Variants in KCNN3 observed in about 807,000 individuals in gnomAD.
The protein encoded by KCNN3 is potassium calcium-activated channel subfamily N member 3, also known as small conductance calcium-activated potassium channel protein 3.
A neutral mutation model predicts 62.9 loss-of-function variants in KCNN3; 16 were observed. The ratio of observed to expected loss-of-function variants is 0.25; its 90% confidence interval spans 0.17 to 0.39. KCNN3 has a LOEUF of 0.39. Among genes scored for constraint, KCNN3 ranks in the 10% least tolerant of loss-of-function variants. The pLI, the probability that KCNN3 is intolerant of heterozygous loss-of-function variation, is 1.00. For synonymous variants in KCNN3, 370 were observed against 389.2 expected (o/e 0.95, Z 0.58); for missense variants, 599 against 949.4 (o/e 0.63, Z 4.85).
At position 154,772,483 on chromosome 1, in the gene KCNN3, G is replaced by A. The variant is rs1216914339; in HGVS notation, c.1030-90C>T. On this transcript the variant is annotated intron_variant, in intron 2 of 7. Coordinates refer to ENST00000271915, the MANE Select transcript of KCNN3 (RefSeq NM_002249.6). This position sits in a 1 kb window ranked among gnomAD's most constrained non-coding sequence, Gnocchi z 5.6. Reference sequence around the variant, plus strand: ...GGACAGGTGGGGCAGGCTGGGGCAGGCTGCTGGGCTCAGGTCAGCCTGACC... The same window carrying A: ...GGACAGGTGGGGCAGGCTGGGGCAGACTGCTGGGCTCAGGTCAGCCTGACC... 1.5e-6 allele frequency: 2 copies of A among 1,336,714 alleles called. No homozygotes were observed. Among genetic ancestry groups the A allele is most frequent in the African/African-American group, 1.4e-5 (1 of 69,698 alleles). The allele number at this position is 1,336,714 out of a possible 1,614,324, so 82.8% of individuals were successfully genotyped here.
chr1:154,735,137 G>T (rs992106996), intron 3 of KCNN3, among the ~76,000 whole-genome samples: 2 of 152,194 alleles, frequency 1.3e-5, no homozygotes, highest in Non-Finnish European at 2.9e-5. Context: ...GGGAAGAATG[G>T]TCGGCGGGTG....
chr1:154,870,202 G>T lies in KCNN3; in HGVS notation c.-238C>A. 1.4e-6 allele frequency: 1 copy of T among 690,048 alleles called. No homozygotes were observed. The highest frequency in any genetic ancestry group is 2.7e-6 in the Non-Finnish European group (1 of 376,968). The allele number at this position is 690,048 out of a possible 1,614,324, so 42.7% of individuals were successfully genotyped here. ...GGAGGGGAGCTTGGAGAAAGAAGAG[G>T]GGGTGAAAGAACTCTCTCAGGAGGT... On this transcript the variant is annotated 5_prime_UTR_variant, in exon 1 of 8. Transcript: ENST00000271915.
At chr1:154,804,559 C>A (rs564012652) in intron 2 of KCNN3, among the ~76,000 whole-genome samples, 3 of 152,184 alleles carry the variant, frequency 2.0e-5, no homozygotes, top group Non-Finnish European at 4.4e-5. Context: ...AGACCATGAA[C>A]TATTTGAAGG....
At chr1:154,807,528 A>AC (rs1248651666) in intron 2 of KCNN3, among the ~76,000 whole-genome samples, 3 of 152,054 alleles carry the variant, frequency 2.0e-5, no homozygotes, top group African/African-American at 7.2e-5. Context: ...GTTTCCAGCC[A>AC]CCCCACCAAA....
intron 1 of KCNN3, among the ~76,000 whole-genome samples, chr1:154,859,250 T>C (rs1228979518): frequency 6.6e-6 from 1 of 152,234 alleles, no homozygotes; most frequent in Non-Finnish European, 1.5e-5. Flanking sequence ...CTCCAATTCG[T>C]TAAAATCAGA....
chr1:154,844,817 C>T (rs149868500), intron 1 of KCNN3, among the ~76,000 whole-genome samples: 4,872 of 152,088 alleles, frequency 0.032, 273 homozygotes, highest in African/African-American at 0.11. Context: ...ACCAGCCTGA[C>T]CAACATAGTG....
intron 3 of KCNN3, among the ~76,000 whole-genome samples, chr1:154,739,796 A>C (rs1700791875): frequency 6.6e-6 from 1 of 152,254 alleles, no homozygotes. Flanking sequence ...CCATGTCGGG[A>C]GGCAAGCCCG....
Position 154,722,781 on chromosome 1 carries a change from G to T in KCNN3, c.1701+3135C>A, listed in dbSNP as rs180695794. 3.6e-3 allele frequency among the ~76,000 whole-genome samples: 539 copies of T among 151,160 alleles called. 2 individuals are homozygous for T. The highest frequency in any genetic ancestry group is 6.0e-3 in the Non-Finnish European group (410 of 67,806). ...GAGTCTTGCTCTGTTGCCCAGGCTG[G>T]AGTGCAGTGGTGGGATCTCGGCTCA... On this transcript the variant is annotated intron_variant, in intron 5 of 7. Transcript: ENST00000271915.
intron 2 of KCNN3, among the ~76,000 whole-genome samples, chr1:154,811,182 G>C (rs193151778): frequency 4.6e-5 from 7 of 152,286 alleles, no homozygotes; most frequent in Non-Finnish European, 7.4e-5. Flanking sequence ...CGTGACGTTA[G>C]GGCGATGGGA....
intron 1 of KCNN3, among the ~76,000 whole-genome samples, chr1:154,834,892 C>T (rs951248528): frequency 2.0e-5 from 3 of 152,222 alleles, no homozygotes; most frequent in African/African-American, 2.4e-5. Context: ...ACCCTGAGCT[C>T]TTCACGGAGG....
In KCNN3 at chr1:154,754,014, G is replaced by A. The variant is rs180677376; in HGVS notation, c.1448+17961C>T. On this transcript the variant is annotated intron_variant, in intron 3 of 7. Coordinates refer to ENST00000271915, the MANE Select transcript of KCNN3 (RefSeq NM_002249.6). ...GGGCCATGTGCTGTCCCTTCTGTGAGCAATAAAACCTTCCATGTAGGAATG... is the reference window on the plus strand; with the variant it reads ...GGGCCATGTGCTGTCCCTTCTGTGAACAATAAAACCTTCCATGTAGGAATG... 2.6e-5 allele frequency among the ~76,000 whole-genome samples: 4 copies of A among 152,310 alleles called. No homozygotes were observed. The East Asian group carries it at 7.7e-4, about 29-fold the overall frequency.
At chr1:154,829,855 C>T (rs904187211) in intron 1 of KCNN3, among the ~76,000 whole-genome samples, 1 of 152,180 alleles carries the variant, frequency 6.6e-6, no homozygotes, top group Non-Finnish European at 1.5e-5. Context: ...CGAGGCTGGC[C>T]ATGCCTGGTG....
chr1:154,785,858 T>A (rs1048992489), intron 2 of KCNN3, among the ~76,000 whole-genome samples: 2 of 152,018 alleles, frequency 1.3e-5, no homozygotes. Context: ...TCCTCGGCCT[T>A]CCAAAGTGCT....
chr1:154,853,803 G>A (rs1283710980), intron 1 of KCNN3, among the ~76,000 whole-genome samples: 1 of 152,094 alleles, frequency 6.6e-6, no homozygotes, highest in Non-Finnish European at 1.5e-5. Flanking sequence ...AATTAACTGG[G>A]CATGGTGGTA....
intron 4 of KCNN3, among the ~76,000 whole-genome samples, chr1:154,729,051 G>A (rs1435848998): frequency 1.3e-5 from 2 of 152,214 alleles, no homozygotes; most frequent in Non-Finnish European, 1.5e-5. Flanking sequence ...TGGCAGTGCT[G>A]TGTCACATGG....
At chr1:154,747,796 A>G (rs1700972481) in intron 3 of KCNN3, among the ~76,000 whole-genome samples, 2 of 152,086 alleles carry the variant, frequency 1.3e-5, no homozygotes, top group Non-Finnish European at 2.9e-5. Flanking sequence ...CTGCTCCTGT[A>G]GCGTTGAGTG....
At chr1:154,787,330 C>T (rs970857675) in intron 2 of KCNN3, among the ~76,000 whole-genome samples, 1 of 151,050 alleles carries the variant, frequency 6.6e-6, no homozygotes, top group African/African-American at 2.4e-5. Flanking sequence ...AGGGAGGGAC[C>T]AGGGCCAGGG....
At chr1:154,720,930 T>C (rs55846424) in intron 5 of KCNN3, among the ~76,000 whole-genome samples, 15,069 of 152,086 alleles carry the variant, frequency 0.099, 869 homozygotes, top group African/African-American at 0.16. Context: ...GCTCAGACCC[T>C]CGTGGGGTCC....
chr1:154,760,553 A>G (rs891795085), intron 3 of KCNN3, among the ~76,000 whole-genome samples: 1 of 152,142 alleles, frequency 6.6e-6, no homozygotes, highest in Non-Finnish European at 1.5e-5. Context: ...CTCCACAGCG[A>G]GTCCCTGCAG....
Sources: allele counts gnomAD v4.1 joint callset (sites outside exome capture counted in the v4.1 genomes callset), GRCh38; gene constraint gnomAD v4.1.1; non-coding constraint Gnocchi (gnomAD v3.1); transcripts MANE v1.5; gene names NCBI Gene and HGNC (gene_info 2026-07-23, HGNC 2026-07-21).